Variants in FAM227B observed in about 807,000 individuals in gnomAD.
FAM227B encodes the protein protein FAM227B.
FAM227B carries 88 observed loss-of-function variants against 73.8 expected under a neutral mutation model. That is an observed-to-expected ratio of 1.19 (90% CI 1.00 to 1.42). The LOEUF (loss-of-function observed/expected upper bound fraction) is 1.42. FAM227B is among the 40% of genes most tolerant of loss of function. FAM227B has a pLI of 0.00. For synonymous variants in FAM227B, 210 were observed against 190.5 expected (o/e 1.10, Z -0.84); for missense variants, 632 against 590.9 (o/e 1.07, Z -0.72).
Position 49,336,870 on chromosome 15 carries a change from C to A in FAM227B, c.1272-1374G>T, listed in dbSNP as rs889952547. On this transcript the variant is annotated intron_variant, in intron 13 of 15. Transcript: ENST00000299338. ...CACTTGCTCCCCTCCCTTCCCTTCT[C>A]TTACAGTATGCAGTGTCTATTGTTG... Among the ~76,000 whole-genome samples, 12 of 152,182 alleles carry A rather than the reference C, an allele frequency of 7.9e-5. No individual in the cohort carries two copies. In the South Asian group the frequency reaches 1.2e-3, roughly 16 times the overall value.
chr15:49,568,381 C>A, intron 8 of FAM227B, 35 bp from the exon 9 acceptor site: 1 of 1,501,496 alleles, frequency 6.7e-7, no homozygotes, highest in Non-Finnish European at 9.2e-7. Context: ...GTCAATATTA[C>A]AATTTAAAAC....
chr15:49,476,232 G>GTTTTTTTTTTTTTTTTTTT lies in FAM227B; in HGVS notation c.1012+31978_1012+31979insAAAAAAAAAAAAAAAAAAA. Among the ~76,000 whole-genome samples, 38 of 57,450 alleles carry GTTTTTTTTTTTTTTTTTTT rather than the reference G, an allele frequency of 6.6e-4. 4 individuals are homozygous for GTTTTTTTTTTTTTTTTTTT. The highest frequency in any genetic ancestry group is 9.8e-4 in the Admixed American group (5 of 5,084). 37.7% of individuals were successfully genotyped at this position (57,450 alleles called of 152,430 possible). On this transcript the variant is annotated intron_variant, in intron 11 of 15. Coordinates refer to ENST00000299338, the MANE Select transcript of FAM227B (RefSeq NM_152647.3). ...TTGCTGTTTTGTTTTTTTGTTTTTG[G>GTTTTTTTTTTTTTTTTTTT]TTTTTTTTTTTTTGCATTTGGCATA... is the stretch of plus-strand genomic sequence containing the variant.
At chr15:49,446,126 T>A (rs1352517545) in intron 11 of FAM227B, among the ~76,000 whole-genome samples, 2 of 151,580 alleles carry the variant, frequency 1.3e-5, no homozygotes, top group African/African-American at 4.8e-5. Flanking sequence ...ATTAGTGTAT[T>A]ATAATTGGGA....
intron 2 of FAM227B, among the ~76,000 whole-genome samples, chr15:49,614,096 A>G (rs1468863502): frequency 1.3e-5 from 2 of 152,246 alleles, no homozygotes; most frequent in Non-Finnish European, 2.9e-5. Flanking sequence ...TCCAAGTACA[A>G]AGCACCAAAA....
At chr15:49,381,435 C>T (rs970012156) in intron 11 of FAM227B, among the ~76,000 whole-genome samples, 1 of 152,154 alleles carries the variant, frequency 6.6e-6, no homozygotes, top group Non-Finnish European at 1.5e-5. Context: ...AAGTAACATG[C>T]TAAGGATGCT....
intron 11 of FAM227B, among the ~76,000 whole-genome samples, chr15:49,381,827 G>A (rs77296528): frequency 0.15 from 22,703 of 152,098 alleles, 2,202 homozygotes; most frequent in Non-Finnish European, 0.21. Flanking sequence ...GGAGAGTTTA[G>A]TTGCAAATTA....
At chr15:49,411,260 G>T (rs915146362) in intron 11 of FAM227B, among the ~76,000 whole-genome samples, 7 of 151,888 alleles carry the variant, frequency 4.6e-5, no homozygotes, top group African/African-American at 1.7e-4. Flanking sequence ...AAAAAAAGAT[G>T]ATTTCTCATT....
chr15:49,380,335 G>A (rs2046441853), intron 11 of FAM227B, among the ~76,000 whole-genome samples: 1 of 152,126 alleles, frequency 6.6e-6, no homozygotes, highest in Admixed American at 6.5e-5. Context: ...TCAAATCCTG[G>A]AACTGGGGAC....
At chr15:49,536,283 A>T (rs1299719803) in intron 10 of FAM227B, among the ~76,000 whole-genome samples, 1 of 151,772 alleles carries the variant, frequency 6.6e-6, no homozygotes, top group East Asian at 1.9e-4. Flanking sequence ...TATATTAACA[A>T]CAGACTATCC....
chr15:49,516,048 G>GT (rs2059355026), intron 10 of FAM227B, among the ~76,000 whole-genome samples: 1 of 152,082 alleles, frequency 6.6e-6, no homozygotes, highest in South Asian at 2.1e-4. Context: ...CAAGTAGAGG[G>GT]TTTTTTCTCT....
At chr15:49,427,558 A>G (rs543338092) in intron 11 of FAM227B, among the ~76,000 whole-genome samples, 1 of 152,020 alleles carries the variant, frequency 6.6e-6, no homozygotes, top group Non-Finnish European at 1.5e-5. Context: ...AAAATTTTAC[A>G]TGAAAAGTAA....
intron 11 of FAM227B, chr15:49,424,359 T>C (rs1364834429): frequency 1.9e-6 from 3 of 1,613,558 alleles, no homozygotes; most frequent in Non-Finnish European, 2.5e-6. Flanking sequence ...TGCTTTCACA[T>C]TATCTGTCTA....
intron 11 of FAM227B, among the ~76,000 whole-genome samples, chr15:49,504,955 T>C (rs1434927109): frequency 1.3e-5 from 2 of 152,212 alleles, no homozygotes; most frequent in Non-Finnish European, 2.9e-5. Flanking sequence ...TAAATGTTCA[T>C]AGCAGCTGTA....
chr15:49,553,137 T>A (rs1180692488), intron 9 of FAM227B, among the ~76,000 whole-genome samples: 1 of 152,210 alleles, frequency 6.6e-6, no homozygotes, highest in African/African-American at 2.4e-5. Context: ...TGAAAGAGCT[T>A]GGGTGTTGTG....
chr15:49,332,335 GCAAGGTAGAGACA>G (rs1351193304), intron 14 of FAM227B, among the ~76,000 whole-genome samples: 1 of 152,216 alleles, frequency 6.6e-6, no homozygotes, highest in East Asian at 1.9e-4. Flanking sequence ...AAAGAGACTG[GCAAGGTAGAGACA>G]CAGGAAAGAA....
chr15:49,474,043 T>A (rs2055023450), intron 11 of FAM227B, among the ~76,000 whole-genome samples: 1 of 152,126 alleles, frequency 6.6e-6, no homozygotes, highest in African/African-American at 2.4e-5. Flanking sequence ...ACAAAATGTA[T>A]TTTTGATAGG....
chr15:49,406,157 A>T lies in FAM227B; in HGVS notation c.1013-34758T>A, dbSNP rs139344254. Among the ~76,000 whole-genome samples the T allele has an allele frequency of 8.7e-4, 133 of 152,280 alleles. 1 individual carries two copies. The highest frequency in any genetic ancestry group is 3.1e-3 in the African/African-American group (128 of 41,560). On this transcript the variant is annotated intron_variant, in intron 11 of 15. Coordinates refer to ENST00000299338, the MANE Select transcript of FAM227B (RefSeq NM_152647.3). ...TTGCTCCCAGACCACTGGTCACTGC[A>T]TTCTGATGGGTGGTGTCGGTCAAAG...
chr15:49,368,793 A>G (rs995907730), intron 12 of FAM227B, among the ~76,000 whole-genome samples: 3 of 152,208 alleles, frequency 2.0e-5, no homozygotes, highest in African/African-American at 7.2e-5. Context: ...AATTCTAGAA[A>G]TAGACATTTC....
At chr15:49,550,565 C>T (rs180895013) in intron 9 of FAM227B, among the ~76,000 whole-genome samples, 50 of 150,236 alleles carry the variant, frequency 3.3e-4, no homozygotes, top group Middle Eastern at 3.6e-3. Flanking sequence ...ACTTCTCAGA[C>T]GGGGCGGCTG....
Sources: allele counts gnomAD v4.1 joint callset (sites outside exome capture counted in the v4.1 genomes callset), GRCh38; gene constraint gnomAD v4.1.1; transcripts MANE v1.5; gene names NCBI Gene and HGNC (gene_info 2026-07-23, HGNC 2026-07-21).